The following POLR1B variants were observed in gnomAD, a reference collection of about 807,000 sequenced individuals.
The protein encoded by POLR1B is DNA-directed RNA polymerase I subunit RPA2.
A neutral mutation model predicts 105.8 loss-of-function variants in POLR1B; 30 were observed. The ratio of observed to expected loss-of-function variants is 0.28; its 90% confidence interval spans 0.21 to 0.38. The LOEUF (loss-of-function observed/expected upper bound fraction) is 0.38, where lower values mean the gene tolerates loss of function less well. Ranked by LOEUF, POLR1B falls within the 10% of genes least tolerant of loss-of-function variation. POLR1B has a pLI of 1.00. For synonymous variants in POLR1B, 485 were observed against 505.1 expected (o/e 0.96, Z 0.53); for missense variants, 976 against 1,435.8 (o/e 0.68, Z 5.17).
At position 112,568,804 on chromosome 2, in the gene POLR1B, A is replaced by G. The variant is rs1476199084; in HGVS notation, c.1976A>G (p.Gln659Arg). The G allele has an allele frequency of 1.2e-6, 2 of 1,614,072 alleles. No individual in the cohort carries two copies. The highest frequency in any genetic ancestry group is 3.3e-5 in the Admixed American group (2 of 59,992). Reference sequence around the variant, plus strand: ...GTTTTTGCTGGAGTTACCACACACCAGGAACTCTTTCCACACAGCCTGCTG... The same window carrying G: ...GTTTTTGCTGGAGTTACCACACACCGGGAACTCTTTCCACACAGCCTGCTG... ...DEVFAGVTTHQELFPHSLLSV... is the reference protein window; with the variant it reads ...DEVFAGVTTHRELFPHSLLSV... Residue 659 changes from glutamine (Q) to arginine (R), a missense_variant, in exon 12 of 15, where the codon CAG becomes CGG. Physicochemically the swap from Gln to Arg is conservative, Grantham distance 43. Around this residue, in one of 12 missense-constraint regions of POLR1B, gnomAD observed 184 missense variants for 197.4 expected, o/e 0.93. Transcript: ENST00000263331.
At chr2:112,553,941 T>C (rs558367481) in intron 7 of POLR1B, among the ~76,000 whole-genome samples, 1 of 152,268 alleles carries the variant, frequency 6.6e-6, no homozygotes, top group Admixed American at 6.5e-5. Flanking sequence ...AGAATATTGA[T>C]TCAGTGGCAT....
intron 4 of POLR1B, among the ~76,000 whole-genome samples, chr2:112,550,253 G>A (rs975390715): frequency 6.6e-6 from 1 of 152,220 alleles, no homozygotes; most frequent in Non-Finnish European, 1.5e-5. Context: ...ACCCCTCAGG[G>A]TCTCTGTCTG....
At position 112,579,806 on chromosome 2, in the gene POLR1B, C is replaced by T. The variant is rs1685017667; in HGVS notation, c.*4077C>T. Among the ~76,000 whole-genome samples, 2 of 152,096 alleles carry T rather than the reference C, an allele frequency of 1.3e-5. No individual in the cohort carries two copies. On this transcript the variant is annotated 3_prime_UTR_variant, in exon 15 of 15. Transcript: ENST00000263331. ...TCATTATATATTCCAGATATAAAGC[C>T]TTTGTCATACAAGTGCTTTGCAAAT...
chr2:112,579,439 T>C lies in POLR1B; in HGVS notation c.*3710T>C, dbSNP rs1685002305. 6.6e-6 allele frequency: 1 copy of C among 152,194 alleles called. No homozygotes were observed. The highest frequency in any genetic ancestry group is 1.5e-5 in the Non-Finnish European group (1 of 68,034). 9.4% of individuals were successfully genotyped at this position (152,194 alleles called of 1,614,324 possible). On this transcript the variant is annotated 3_prime_UTR_variant, in exon 15 of 15. Transcript: ENST00000263331. ...ACCAGCAATGTATAAGTGATTCATT[T>C]CTTGGCATTCTGACCAACCAGCATT...
chr2:112,559,659 G>A lies in POLR1B; in HGVS notation c.1612+85G>A, dbSNP rs181346834. The A allele has an allele frequency of 7.5e-5, 111 of 1,488,508 alleles. No homozygotes were observed. The African/African-American group carries it at 1.4e-3, about 18-fold the overall frequency. The allele number at this position is 1,488,508 out of a possible 1,614,324, so 92.2% of individuals were successfully genotyped here. A position where few individuals can be genotyped will look rare whatever the true frequency, so the allele number is the denominator to read the frequency against. On this transcript the variant is annotated intron_variant, in intron 9 of 14. Coordinates refer to ENST00000263331, the MANE Select transcript of POLR1B (RefSeq NM_019014.6). ...TTGTTTGTTTGTTTTGAGATGGAGT[G>A]TTGCTATGTCGCCCAGGCTGGAGTG...
intron 12 of POLR1B, 141 bp downstream of exon 12, chr2:112,569,043 C>T: frequency 1.2e-6 from 1 of 805,372 alleles, no homozygotes. Context: ...TTTTCTGTGC[C>T]ACAAGCAACC....
chr2:112,547,236 G>A (rs1316121722), intron 2 of POLR1B, 57 bp downstream of exon 2: 37 of 1,586,390 alleles, frequency 2.3e-5, no homozygotes, highest in Admixed American at 5.3e-5. Flanking sequence ...GGAGTAGGGC[G>A]GGTGCCTAAT....
chr2:112,559,497 A>G lies in POLR1B; in HGVS notation c.1535A>G (p.Asn512Ser). Residue 512 changes from asparagine (N) to serine (S), a missense_variant, in exon 9 of 15, where the codon AAC becomes AGC. Physicochemically the swap from Asn to Ser is conservative, Grantham distance 46 (BLOSUM62 1). Around this residue, in one of 12 missense-constraint regions of POLR1B, gnomAD observed 5 missense variants for 27.8 expected, o/e 0.18. Transcript: ENST00000263331. ...TPDGEPCGLM[N>S]HLTAVCEVVT... is the part of the protein sequence containing the mutation. Reference sequence around the variant, plus strand: ...GACGGGGAGCCCTGTGGCCTGATGAACCACCTAACTGCCGTATGTGAGGTT... The same window carrying G: ...GACGGGGAGCCCTGTGGCCTGATGAGCCACCTAACTGCCGTATGTGAGGTT... 6.2e-7 allele frequency: 1 copy of G among 1,614,174 alleles called. No individual in the cohort carries two copies. The highest frequency in any genetic ancestry group is 8.5e-7 in the Non-Finnish European group (1 of 1,180,038).
At chr2:112,574,772 C>T (rs1684783436) in intron 14 of POLR1B, 75 bp from the exon 15 acceptor site, 1 of 1,034,436 alleles carries the variant, frequency 9.7e-7, no homozygotes. Context: ...TTATGAAGCA[C>T]TAATTATATC....
chr2:112,570,742 T>G (rs768186028), intron 12 of POLR1B, among the ~76,000 whole-genome samples: 3 of 152,104 alleles, frequency 2.0e-5, no homozygotes, highest in Non-Finnish European at 4.4e-5. Flanking sequence ...CATGCCTGTA[T>G]TTTTCAAGTC....
At chr2:112,569,797 T>C (rs2104569886) in intron 12 of POLR1B, among the ~76,000 whole-genome samples, 1 of 152,096 alleles carries the variant, frequency 6.6e-6, no homozygotes, top group South Asian at 2.1e-4. Context: ...TGACCTCAGG[T>C]GACCTGCCCA....
intron 1 of POLR1B, among the ~76,000 whole-genome samples, chr2:112,546,662 C>T (rs1047716636): frequency 8.5e-5 from 12 of 140,966 alleles, no homozygotes; most frequent in African/African-American, 2.8e-4. Context: ...CCCGGGTTCA[C>T]GCCATTCTCC....
chr2:112,551,057 T>G (rs1205832302), intron 5 of POLR1B, 55 bp downstream of exon 5: 7 of 1,531,702 alleles, frequency 4.6e-6, no homozygotes, highest in African/African-American at 1.4e-5. Context: ...GGGGGTAGTA[T>G]CCTGTGCACA....
rs1321877974 is a variant in POLR1B at position 112,577,962 on chromosome 2, C to T, written c.*2233C>T. On this transcript the variant is annotated 3_prime_UTR_variant, in exon 15 of 15. Coordinates refer to ENST00000263331, the MANE Select transcript of POLR1B (RefSeq NM_019014.6). Reference sequence around the variant, plus strand: ...CGATTCTACTGACTGACGTTTCCCCCTGCTGTTAAGAATCCCAACCACACA... The same window carrying T: ...CGATTCTACTGACTGACGTTTCCCCTTGCTGTTAAGAATCCCAACCACACA... Among the ~76,000 whole-genome samples the T allele has an allele frequency of 6.6e-6, 1 of 152,192 alleles. No individual in the cohort carries two copies. The highest frequency in any genetic ancestry group is 1.9e-4 in the East Asian group (1 of 5,208).
At chr2:112,551,124 C>A in intron 5 of POLR1B, 122 bp downstream of exon 5, 2 of 940,476 alleles carry the variant, frequency 2.1e-6, no homozygotes, top group Admixed American at 2.2e-5. Flanking sequence ...TGCTCCAAAA[C>A]AAATTACGTC....
At chr2:112,567,190 A>G (rs2104563189) in intron 10 of POLR1B, among the ~76,000 whole-genome samples, 1 of 152,114 alleles carries the variant, frequency 6.6e-6, no homozygotes, top group Admixed American at 6.5e-5. Flanking sequence ...CTGAAGCTTT[A>G]TACTCTTTGA....
At chr2:112,546,029 C>G (rs778018763) in intron 1 of POLR1B, 1 of 158,592 alleles carries the variant, frequency 6.3e-6, no homozygotes, top group Admixed American at 6.5e-5. Flanking sequence ...AGTTAACTCA[C>G]GTGAAGGTGG....
intron 1 of POLR1B, chr2:112,546,033 A>T (rs553334993): frequency 6.3e-6 from 1 of 159,816 alleles, no homozygotes; most frequent in Non-Finnish European, 1.4e-5. Flanking sequence ...AACTCACGTG[A>T]AGGTGGAGAA....
At chr2:112,554,877 A>C (rs1340210755) in intron 7 of POLR1B, among the ~76,000 whole-genome samples, 1 of 152,100 alleles carries the variant, frequency 6.6e-6, no homozygotes, top group Non-Finnish European at 1.5e-5. Flanking sequence ...TCGCTACAGA[A>C]ATAATAAAAA....
Sources: allele counts gnomAD v4.1 joint callset (sites outside exome capture counted in the v4.1 genomes callset), GRCh38; gene constraint gnomAD v4.1.1; regional missense constraint gnomAD v4.1.1; transcripts MANE v1.5; gene names NCBI Gene and HGNC (gene_info 2026-07-23, HGNC 2026-07-21).